The following MAF variants were observed in gnomAD, a reference collection of about 807,000 sequenced individuals.
MAF encodes the protein transcription factor Maf.
A neutral mutation model predicts 22.0 loss-of-function variants in MAF; 10 were observed. The ratio of observed to expected loss-of-function variants is 0.45; its 90% CI spans 0.28 to 0.77. MAF has a LOEUF of 0.77. Ranked by LOEUF, MAF falls within the 30% of genes least tolerant of loss-of-function variation. The pLI is 0.12. For missense variants in MAF, 544 were observed against 548.4 expected (o/e 0.99, Z 0.08); for synonymous variants, 337 against 255.8 (o/e 1.32, Z -3.03).
At chr16:79,228,779 G>A in the MAF span, among the ~76,000 whole-genome samples, 1 of 151,964 alleles carries the variant, frequency 6.6e-6, no homozygotes, top group Non-Finnish European at 1.5e-5. Flanking sequence ...GAATATAATG[G>A]TGGTGGGGGG....
At chr16:79,438,204 A>G in the MAF span, among the ~76,000 whole-genome samples, 3 of 152,140 alleles carry the variant, frequency 2.0e-5, no homozygotes, top group Non-Finnish European at 4.4e-5. Context: ...GGCATTTCCA[A>G]TTACAGGAGT....
the MAF span, among the ~76,000 whole-genome samples, chr16:79,564,416 G>C: frequency 6.6e-6 from 1 of 152,192 alleles, no homozygotes; most frequent in Non-Finnish European, 1.5e-5. Flanking sequence ...GTGTCAACTG[G>C]GGACCCAGAG....
chr16:79,527,486 T>C, the MAF span, among the ~76,000 whole-genome samples: 1 of 152,214 alleles, frequency 6.6e-6, no homozygotes, highest in African/African-American at 2.4e-5. Flanking sequence ...ACTAAATTTC[T>C]ACCACATTCC....
chr16:79,222,595 G>A, the MAF span, among the ~76,000 whole-genome samples: 1 of 152,046 alleles, frequency 6.6e-6, no homozygotes. Context: ...ATTAGATAAA[G>A]AGTCAAGACC....
intron 1 of MAF, chr16:79,597,218 CCTAA>C (rs1913586638): frequency 9.5e-7 from 1 of 1,052,332 alleles, no homozygotes; most frequent in Non-Finnish European, 1.1e-6. Flanking sequence ...GCTAAACAGA[CCTAA>C]CTCTTTCAAA....
At chr16:79,576,228 T>G in the MAF span, among the ~76,000 whole-genome samples, 1 of 95,324 alleles carries the variant, frequency 1.0e-5, no homozygotes, top group African/African-American at 4.3e-5. Context: ...AGTCCTGTGG[T>G]ACTAAAAAAA....
At chr16:79,267,435 G>T in the MAF span, among the ~76,000 whole-genome samples, 1 of 152,208 alleles carries the variant, frequency 6.6e-6, no homozygotes, top group South Asian at 2.1e-4. Flanking sequence ...TACGTGTGTG[G>T]TATGGGAAAG....
the MAF span, among the ~76,000 whole-genome samples, chr16:79,327,463 C>G: frequency 1.3e-5 from 2 of 152,186 alleles, no homozygotes; most frequent in African/African-American, 4.8e-5. Context: ...TGGCAGTGTC[C>G]ATGCACGGAC....
chr16:79,230,352 G>C, the MAF span, among the ~76,000 whole-genome samples: 6,042 of 152,240 alleles, frequency 0.04, 184 homozygotes, highest in Non-Finnish European at 0.051. Context: ...CCAATAGAGG[G>C]AACTGAGCAA....
the MAF span, among the ~76,000 whole-genome samples, chr16:79,211,056 T>TGTGTGTGTGC: frequency 2.7e-5 from 4 of 150,314 alleles, no homozygotes; most frequent in Admixed American, 6.6e-5. Flanking sequence ...TGTGTGTGTG[T>TGTGTGTGTGC]GCATTAAATG....
At chr16:79,340,950 G>T in the MAF span, among the ~76,000 whole-genome samples, 3 of 152,180 alleles carry the variant, frequency 2.0e-5, no homozygotes, top group African/African-American at 7.2e-5. Context: ...AGGAAGATGG[G>T]TGGTCAGGTG....
the MAF span, among the ~76,000 whole-genome samples, chr16:79,558,180 G>C: frequency 6.6e-6 from 1 of 152,182 alleles, no homozygotes; most frequent in African/African-American, 2.4e-5. Flanking sequence ...CATTTTATTA[G>C]CACGAGGATT....
the MAF span, among the ~76,000 whole-genome samples, chr16:79,277,731 G>A: frequency 6.6e-6 from 1 of 152,168 alleles, no homozygotes; most frequent in Non-Finnish European, 1.5e-5. Context: ...GAGCTTCTAT[G>A]TGTCTGTTTA....
the MAF span, among the ~76,000 whole-genome samples, chr16:79,360,597 C>T: frequency 6.6e-6 from 1 of 152,178 alleles, no homozygotes; most frequent in East Asian, 1.9e-4. Context: ...TCTTCAACAG[C>T]AATTAACCAA....
the MAF span, among the ~76,000 whole-genome samples, chr16:79,487,905 A>G: frequency 6.6e-6 from 1 of 152,222 alleles, no homozygotes. Flanking sequence ...ATTTTAAATG[A>G]GAATCTTTCC....
chr16:79,424,539 AATTCTATTC>A, the MAF span, among the ~76,000 whole-genome samples: 5 of 152,198 alleles, frequency 3.3e-5, no homozygotes, highest in Non-Finnish European at 1.5e-5. Context: ...ATCCAGGCTG[AATTCTATTC>A]ATTTGTTTCT....
chr16:79,423,786 T>A, the MAF span, among the ~76,000 whole-genome samples: 17 of 152,312 alleles, frequency 1.1e-4, no homozygotes, highest in African/African-American at 3.4e-4. Flanking sequence ...TGAGTTTGAA[T>A]TTCCCAACCT....
At chr16:79,393,339 G>T in the MAF span, among the ~76,000 whole-genome samples, 1 of 152,172 alleles carries the variant, frequency 6.6e-6, no homozygotes, top group Non-Finnish European at 1.5e-5. Flanking sequence ...AATTTCCATG[G>T]TTGGCGAATA....
At chr16:79,520,594 C>A in the MAF span, among the ~76,000 whole-genome samples, 46,576 of 151,998 alleles carry the variant, frequency 0.31, 9,585 homozygotes, top group African/African-American at 0.59. Flanking sequence ...GTGCCCCTAC[C>A]ACAAAATGGT....
Sources: gnomAD v4.1 joint callset for allele counts (sites outside exome capture counted in the v4.1 genomes callset) on GRCh38, gnomAD v4.1.1 for gene constraint, MANE v1.5 for transcripts, NCBI Gene and HGNC (gene_info 2026-07-23, HGNC 2026-07-21) for gene names.